Variants in ZNF503 observed in about 807,000 individuals in gnomAD.
ZNF503 encodes NocA-like zinc finger 2.
ZNF503 carries 15 observed loss-of-function variants against 34.4 expected under a neutral mutation model. The observed-to-expected ratio is 0.44, with a 90% CI of 0.29 to 0.67. The LOEUF is 0.67. Ranked by LOEUF, ZNF503 falls within the 30% of genes least tolerant of loss-of-function variation. The pLI is 0.13. For synonymous variants in ZNF503, 580 were observed against 456.8 expected (o/e 1.27, Z -3.44); for missense variants, 1,007 against 926.8 (o/e 1.09, Z -1.12).
chr10:75,311,194 A>G, the ZNF503 span, among the ~76,000 whole-genome samples: 1 of 152,208 alleles, frequency 6.6e-6, no homozygotes, highest in African/African-American at 2.4e-5. Flanking sequence ...AGCATCCAAC[A>G]TGGGAGAAAG....
the ZNF503 span, among the ~76,000 whole-genome samples, chr10:75,359,942 TC>T: frequency 6.6e-6 from 1 of 151,920 alleles, no homozygotes; most frequent in African/African-American, 2.4e-5. Flanking sequence ...CCCTATTGTC[TC>T]CTGCCCTGCA....
At chr10:75,328,287 T>A in the ZNF503 span, among the ~76,000 whole-genome samples, 1 of 152,180 alleles carries the variant, frequency 6.6e-6, no homozygotes, top group Non-Finnish European at 1.5e-5. Context: ...GAGATAAGTG[T>A]CTAGTTTCAT....
At chr10:75,378,748 G>A in the ZNF503 span, among the ~76,000 whole-genome samples, 1 of 152,150 alleles carries the variant, frequency 6.6e-6, no homozygotes, top group Non-Finnish European at 1.5e-5. Context: ...ACAGGGACCA[G>A]AACACAAGCA....
At chr10:75,283,074 C>T in the ZNF503 span, among the ~76,000 whole-genome samples, 1 of 152,166 alleles carries the variant, frequency 6.6e-6, no homozygotes, top group Non-Finnish European at 1.5e-5. Context: ...TATGTGACTG[C>T]CCTTAGAAAA....
chr10:75,395,069 T>C (rs1004517661), downstream of ZNF503, among the ~76,000 whole-genome samples: 7 of 152,114 alleles, frequency 4.6e-5, no homozygotes, highest in Non-Finnish European at 5.9e-5. The surrounding 1 kb of genome is among the most constrained non-coding windows in gnomAD (Gnocchi z 4.4). Context: ...GACGAGTAAA[T>C]GGGATGAGCA....
At chr10:75,367,124 C>T in the ZNF503 span, among the ~76,000 whole-genome samples, 1 of 152,198 alleles carries the variant, frequency 6.6e-6, no homozygotes, top group Admixed American at 6.5e-5. Context: ...AAGTATCCAT[C>T]TAGCAGGGCC....
Position 75,401,513 on chromosome 10 carries a change from G to C in ZNF503, c.-94C>G, listed in dbSNP as rs1054050337. On this transcript the variant is annotated 5_prime_UTR_variant, in exon 1 of 2. Transcript: ENST00000372524. ...CGCGCTCGCCCCGGGAGCAGGAGCA[G>C]CGGGAGGAGGAGGAGCTGGCGCGGC... 2 of 1,430,312 alleles carry C rather than the reference G, an allele frequency of 1.4e-6. No individual in the cohort carries two copies. The highest frequency in any genetic ancestry group is 1.9e-6 in the Non-Finnish European group (2 of 1,079,864). 88.6% of individuals were successfully genotyped at this position (1,430,312 alleles called of 1,614,324 possible).
At chr10:75,382,572 T>C in the ZNF503 span, 40 of 460,690 alleles carry the variant, frequency 8.7e-5, no homozygotes, top group African/African-American at 8.3e-4. Context: ...TTCCCAGATA[T>C]TGGAGAGTTT....
At chr10:75,295,752 C>T in the ZNF503 span, 1 of 152,182 alleles carries the variant, frequency 6.6e-6, no homozygotes, top group Admixed American at 6.5e-5. This position sits in a 1 kb window ranked among gnomAD's most constrained non-coding sequence, Gnocchi z 4.0. Context: ...GACTGCCAGC[C>T]AGCATAACAC....
chr10:75,360,532 C>G, the ZNF503 span: 1 of 152,378 alleles, frequency 6.6e-6, no homozygotes, highest in Admixed American at 6.5e-5. Flanking sequence ...CCTGGCCCTG[C>G]TTAGGCTGCT....
At chr10:75,379,358 C>T in the ZNF503 span, among the ~76,000 whole-genome samples, 7 of 152,076 alleles carry the variant, frequency 4.6e-5, no homozygotes, top group Middle Eastern at 3.2e-3. Context: ...TTTTATCTCC[C>T]GAGATTAGCA....
chr10:75,373,460 C>T, the ZNF503 span: 8 of 152,116 alleles, frequency 5.3e-5, no homozygotes, highest in South Asian at 2.1e-4. Context: ...TCTTTCCAAC[C>T]GAAGACACTC....
Position 75,399,298 on chromosome 10 carries a change from G to A in ZNF503, c.1392C>T (p.Ser464=), listed in dbSNP as rs774000703. ...DPAAAAAALK[S]GYPLVYPTHP... ...GCGTGGGGTACACCAGCGGGTATCC[G>A]GACTTCAGCGCCGCAGCCGCAGCAG... Residue 464 remains serine (S), a synonymous_variant, in exon 2 of 2, where the codon TCC becomes TCT. Transcript: ENST00000372524. The A allele has an allele frequency of 1.7e-5, 27 of 1,601,528 alleles. No individual in the cohort carries two copies. In the East Asian group the frequency reaches 5.0e-4, roughly 29 times the overall value.
At chr10:75,388,808 A>C in the ZNF503 span, among the ~76,000 whole-genome samples, 1 of 152,236 alleles carries the variant, frequency 6.6e-6, no homozygotes, top group Non-Finnish European at 1.5e-5. Flanking sequence ...TAATTTATAA[A>C]GGAAAACCCA....
downstream of ZNF503, chr10:75,397,738 G>C (rs1453942052): frequency 6.6e-6 from 1 of 152,346 alleles, no homozygotes; most frequent in Non-Finnish European, 1.5e-5. Context: ...TTCAGCCACG[G>C]TCCCGGGAAG....
chr10:75,349,414 C>T, the ZNF503 span, among the ~76,000 whole-genome samples: 1 of 152,142 alleles, frequency 6.6e-6, no homozygotes, highest in African/African-American at 2.4e-5. Flanking sequence ...TAGACATTTT[C>T]GGCAAGAATG....
At chr10:75,297,875 T>A in the ZNF503 span, among the ~76,000 whole-genome samples, 1 of 152,282 alleles carries the variant, frequency 6.6e-6, no homozygotes, top group Non-Finnish European at 1.5e-5. Flanking sequence ...TTAAGATACA[T>A]TCTCATCCCA....
the ZNF503 span, among the ~76,000 whole-genome samples, chr10:75,317,014 T>A: frequency 6.6e-6 from 1 of 152,176 alleles, no homozygotes; most frequent in Admixed American, 6.5e-5. Context: ...CAGTCATAGC[T>A]CACTGCAGCC....
At chr10:75,365,602 C>T in the ZNF503 span, among the ~76,000 whole-genome samples, 893 of 152,286 alleles carry the variant, frequency 5.9e-3, 3 homozygotes, top group Non-Finnish European at 9.8e-3. Context: ...CCCTGGGTTC[C>T]AGACACTGCC....
Sources: allele counts gnomAD v4.1 joint callset (sites outside exome capture counted in the v4.1 genomes callset), GRCh38; gene constraint gnomAD v4.1.1; non-coding constraint Gnocchi (gnomAD v3.1); transcripts MANE v1.5; gene names NCBI Gene and HGNC (gene_info 2026-07-23, HGNC 2026-07-21).